RBM33: variants seen among roughly 807,000 people sequenced by gnomAD.
RBM33 encodes RNA-binding protein 33.
In RBM33, 28 loss-of-function variants were observed where a neutral mutation model predicts 132.6. The observed-to-expected ratio is 0.21, with a 90% CI of 0.16 to 0.29. The LOEUF (loss-of-function observed/expected upper bound fraction) is 0.29. RBM33 is among the 10% of genes least tolerant of loss of function. The pLI is 1.00. For synonymous variants in RBM33, 634 were observed against 593.0 expected (o/e 1.07, Z -1.01); for missense variants, 1,291 against 1,518.5 (o/e 0.85, Z 2.49).
rs116883859 is a variant in RBM33, at chr7:155,770,080, C to T, written c.3375+3425C>T. On this transcript the variant is annotated intron_variant, in intron 16 of 17. Coordinates refer to ENST00000401878, the MANE Select transcript of RBM33 (RefSeq NM_053043.3). ...AAAGGGAAAAGGAGAGGTCAGGAGA[C>T]GTTTTAAAATTAAACCAGAGCAAAA... Among the ~76,000 whole-genome samples the T allele has an allele frequency of 5.2e-3, 789 of 152,222 alleles. 3 individuals carry two copies. Among genetic ancestry groups the T allele is most frequent in the Non-Finnish European group, 9.1e-3 (619 of 68,022 alleles).
At chr7:155,668,065 A>T (rs1798846743) in intron 2 of RBM33, among the ~76,000 whole-genome samples, 1 of 152,326 alleles carries the variant, frequency 6.6e-6, no homozygotes, top group South Asian at 2.1e-4. Context: ...ATCTAAAAAA[A>T]TTCCTTATTA....
In RBM33 at chr7:155,738,232, C is replaced by A; in HGVS notation, c.1566C>A (p.Phe522Leu). The change falls in exon 11 of 18, where the codon TTC becomes TTA. Residue 522 changes from phenylalanine to leucine, a missense_variant. Physicochemically the swap from Phe to Leu is conservative, Grantham distance 22 (BLOSUM62 0). Around this residue, in one of 7 missense-constraint regions of RBM33, gnomAD observed 841 missense variants for 912.0 expected, o/e 0.92. Coordinates refer to ENST00000401878, the MANE Select transcript of RBM33 (RefSeq NM_053043.3). Reference protein sequence around the residue: ...AFNQQGQQPVFPRERPVRPAL... With the variant: ...AFNQQGQQPVLPRERPVRPAL... ...ATCAGCAAGGACAGCAGCCAGTGTTCCCAAGAGAGCGGCCCGTACGACCAG... is the reference window on the plus strand; with the variant it reads ...ATCAGCAAGGACAGCAGCCAGTGTTACCAAGAGAGCGGCCCGTACGACCAG... 6.2e-7 allele frequency: 1 copy of A among 1,614,032 alleles called. No homozygotes were observed.
intron 11 of RBM33, chr7:155,738,927 A>G (rs1169399945): frequency 6.4e-6 from 1 of 156,044 alleles, no homozygotes; most frequent in Non-Finnish European, 1.4e-5. Context: ...CTTCTGCTTC[A>G]TGGGTTGACA....
intron 16 of RBM33, among the ~76,000 whole-genome samples, chr7:155,770,224 G>A (rs956378142): frequency 2.0e-5 from 3 of 152,256 alleles, no homozygotes; most frequent in African/African-American, 7.2e-5. Context: ...TTGAAATGGG[G>A]CAGAAAACTC....
intron 3 of RBM33, among the ~76,000 whole-genome samples, chr7:155,675,502 CT>C (rs1257782534): frequency 1.3e-5 from 2 of 151,760 alleles, no homozygotes; most frequent in Non-Finnish European, 2.9e-5. Flanking sequence ...TTGCTTATGA[CT>C]TTTTTTTAAA....
chr7:155,738,062 T>G lies in RBM33; in HGVS notation c.1396T>G (p.Ser466Ala). ...QDRDPFFLGV[S>A]GEPRFPSHLF... ...AATGATGTTGTGTTACCTTTCAGTT[T>G]CAGGTGAACCAAGATTCCCGAGCCA... Residue 466 changes from serine (S) to alanine (A), a missense_variant and splice_region_variant, in exon 11 of 18, where the codon TCA becomes GCA. Coordinates refer to ENST00000401878, the MANE Select transcript of RBM33 (RefSeq NM_053043.3). 3.7e-6 allele frequency: 6 copies of G among 1,612,126 alleles called. No individual in the cohort carries two copies. Among genetic ancestry groups the G allele is most frequent in the South Asian group, 1.1e-5 (1 of 90,912 alleles).
chr7:155,694,040 C>T (rs1054008759), intron 5 of RBM33, among the ~76,000 whole-genome samples: 6 of 152,156 alleles, frequency 3.9e-5, no homozygotes, highest in South Asian at 2.1e-4. Flanking sequence ...TCTGTGTTGC[C>T]GCACGCTTTG....
At chr7:155,684,862 A>C (rs180889169) in intron 5 of RBM33, 1 of 1,477,374 alleles carries the variant, frequency 6.8e-7, no homozygotes, top group East Asian at 2.5e-5. Flanking sequence ...AATCATAAAG[A>C]CGAAAAGTAC....
At position 155,737,265 on chromosome 7, in the gene RBM33, T is replaced by TGTGA. The variant is rs1563167671; in HGVS notation, c.1261-264_1261-263insTGAG. On this transcript the variant is annotated intron_variant, in intron 9 of 17. Coordinates refer to ENST00000401878, the MANE Select transcript of RBM33 (RefSeq NM_053043.3). Reference sequence around the variant, plus strand: ...GTGCGCGTGTGTGTGTGTGTGTGTGTGATTACAATACACTCTGTGGTGTTC... The same window carrying TGTGA: ...GTGCGCGTGTGTGTGTGTGTGTGTGTGTGAGATTACAATACACTCTGTGGTGTTC... 2.9e-4 allele frequency among the ~76,000 whole-genome samples: 44 copies of TGTGA among 150,658 alleles called. 2 individuals are homozygous for TGTGA. In the East Asian group the frequency reaches 8.6e-3, roughly 29 times the overall value.
intron 14 of RBM33, chr7:155,746,464 T>C (rs891848680): frequency 6.6e-6 from 1 of 152,256 alleles, no homozygotes; most frequent in Non-Finnish European, 1.5e-5. Flanking sequence ...TTTCTTTCTC[T>C]TGCTTTTCAT....
At chr7:155,742,154 T>G (rs768924885) in intron 13 of RBM33, 48 bp downstream of exon 13, 1 of 1,524,176 alleles carries the variant, frequency 6.6e-7, no homozygotes, top group Non-Finnish European at 8.9e-7. Context: ...ACAAGAAGCC[T>G]TAGAATCAAC....
At chr7:155,740,740 GAC>G (rs544487080) in intron 12 of RBM33, among the ~76,000 whole-genome samples, 8 of 152,192 alleles carry the variant, frequency 5.3e-5, no homozygotes, top group Non-Finnish European at 1.0e-4. Flanking sequence ...AGGAAAGGGA[GAC>G]ACAGTGTGGC....
intron 7 of RBM33, chr7:155,707,414 A>G (rs531081608): frequency 2.3e-6 from 1 of 434,000 alleles, no homozygotes. Context: ...GAGAGATGTT[A>G]TTACAGATAG....
At chr7:155,648,208 C>G (rs138397776) in intron 1 of RBM33, among the ~76,000 whole-genome samples, 93 of 152,280 alleles carry the variant, frequency 6.1e-4, no homozygotes, top group African/African-American at 2.1e-3. Context: ...TTTCATCCCC[C>G]CACCTCCACT....
At chr7:155,704,271 C>G (rs1388638660) in intron 6 of RBM33, among the ~76,000 whole-genome samples, 1 of 152,054 alleles carries the variant, frequency 6.6e-6, no homozygotes, top group Admixed American at 6.5e-5. Flanking sequence ...AATTGACTAG[C>G]TTTTTTTGCT....
chr7:155,741,673 A>C (rs1435785925), intron 12 of RBM33, 146 bp from the exon 13 acceptor site: 1 of 737,332 alleles, frequency 1.4e-6, no homozygotes, highest in Non-Finnish European at 2.2e-6. Flanking sequence ...TGAGAAAAAA[A>C]GTATGAGAAA....
intron 14 of RBM33, among the ~76,000 whole-genome samples, chr7:155,751,603 T>C (rs1488367209): frequency 6.6e-6 from 1 of 152,218 alleles, no homozygotes. Flanking sequence ...TGATTCATCC[T>C]GATCGGTTTC....
At chr7:155,734,721 A>G (rs1801057744) in intron 9 of RBM33, among the ~76,000 whole-genome samples, 1 of 152,076 alleles carries the variant, frequency 6.6e-6, no homozygotes, top group Non-Finnish European at 1.5e-5. Context: ...AGTGTAGTCA[A>G]GTGTGCATTG....
chr7:155,755,329 G>A (rs1362435914), intron 14 of RBM33, among the ~76,000 whole-genome samples: 3 of 152,188 alleles, frequency 2.0e-5, no homozygotes, highest in Admixed American at 6.5e-5. Flanking sequence ...TGTCCTCTCA[G>A]TATGGAGTAT....
Sources: allele counts gnomAD v4.1 joint callset (sites outside exome capture counted in the v4.1 genomes callset), GRCh38; gene constraint gnomAD v4.1.1; regional missense constraint gnomAD v4.1.1; transcripts MANE v1.5; gene names NCBI Gene and HGNC (gene_info 2026-07-23, HGNC 2026-07-21).